SLC24A4: variants seen among roughly 807,000 people sequenced by gnomAD.
The protein encoded by SLC24A4 is solute carrier family 24 member 4, also known as sodium/potassium/calcium exchanger 4.
In SLC24A4, 53 loss-of-function variants were observed where a neutral mutation model predicts 79.0. The ratio of observed to expected loss-of-function variants is 0.67; its 90% CI spans 0.54 to 0.84. SLC24A4 has a LOEUF of 0.84. Among genes scored for constraint, SLC24A4 ranks in the 40% least tolerant of loss-of-function variants. SLC24A4 has a pLI of 0.00. For missense variants in SLC24A4, 731 were observed against 822.0 expected, an observed-to-expected ratio of 0.89 and a Z score of 1.35; for synonymous variants, 323 against 323.8, an observed-to-expected ratio of 1.00 and a Z score of 0.03.
At chr14:92,429,207 G>C (rs931204050) in intron 2 of SLC24A4, among the ~76,000 whole-genome samples, 1 of 152,078 alleles carries the variant, frequency 6.6e-6, no homozygotes, top group African/African-American at 2.4e-5. Context: ...ACAACCAGGA[G>C]TAGGGGTGCA....
chr14:92,347,694 C>T (rs567585291), intron 2 of SLC24A4, among the ~76,000 whole-genome samples: 5 of 152,154 alleles, frequency 3.3e-5, no homozygotes, highest in South Asian at 2.1e-4. Flanking sequence ...TTTGGGAGGG[C>T]GAGGTGGGTG....
Position 92,404,945 on chromosome 14 carries a change from A to C in SLC24A4, c.242-28967A>C, listed in dbSNP as rs114018294. Among the ~76,000 whole-genome samples the C allele has an allele frequency of 9.4e-3, 1,438 of 152,358 alleles. 17 individuals carry two copies. The highest frequency in any genetic ancestry group is 0.032 in the African/African-American group (1,342 of 41,578). On this transcript the variant is annotated intron_variant, in intron 2 of 16. Coordinates refer to ENST00000532405, the MANE Select transcript of SLC24A4 (RefSeq NM_153646.4). The stretch of plus-strand genomic sequence containing the variant: ...TAGGTGAAAATAAAAAGAAAAGAAA[A>C]GAATAAGTCTTATACATTTAAATGA...
chr14:92,385,287 A>G (rs1331433095), intron 2 of SLC24A4, among the ~76,000 whole-genome samples: 1 of 152,136 alleles, frequency 6.6e-6, no homozygotes, highest in Non-Finnish European at 1.5e-5. Flanking sequence ...TGGGCGGATC[A>G]CGAGGCCAGG....
At chr14:92,410,605 G>A (rs973849136) in intron 2 of SLC24A4, among the ~76,000 whole-genome samples, 1 of 152,166 alleles carries the variant, frequency 6.6e-6, no homozygotes, top group African/African-American at 2.4e-5. Flanking sequence ...CTCACTGTGT[G>A]CCAGGCCCTC....
At chr14:92,402,736 C>T (rs1409166096) in intron 2 of SLC24A4, among the ~76,000 whole-genome samples, 3 of 152,060 alleles carry the variant, frequency 2.0e-5, no homozygotes, top group African/African-American at 7.2e-5. Flanking sequence ...GAAACTCCAC[C>T]TTATAAAGCC....
intron 1 of SLC24A4, 79 bp downstream of exon 1, chr14:92,324,039 T>C: frequency 6.5e-7 from 1 of 1,528,314 alleles, no homozygotes; most frequent in Non-Finnish European, 8.8e-7. Context: ...TGCGAGATGT[T>C]TTCCCCTCCT....
Position 92,498,091 on chromosome 14 carries a change from T to C in SLC24A4, c.*4463T>C, listed in dbSNP as rs1895993557. On this transcript the variant is annotated 3_prime_UTR_variant, in exon 17 of 17. Coordinates refer to ENST00000532405, the MANE Select transcript of SLC24A4 (RefSeq NM_153646.4). ...AGAAACTTCTAGAAATTTCTGAAAA[T>C]GCTCTGTGGGCAGCTCTTGGGTGGC... 6.6e-6 allele frequency: 1 copy of C among 152,222 alleles called. No individual in the cohort carries two copies. The highest frequency in any genetic ancestry group is 1.5e-5 in the Non-Finnish European group (1 of 68,080). 9.4% of individuals were successfully genotyped at this position (152,222 alleles called of 1,614,324 possible).
intron 3 of SLC24A4, among the ~76,000 whole-genome samples, chr14:92,436,999 C>A (rs753771318): frequency 6.6e-6 from 1 of 152,190 alleles, no homozygotes; most frequent in African/African-American, 2.4e-5. Context: ...GCTAATGTAT[C>A]TTCTACTTTA....
chr14:92,403,202 CAGTA>C (rs1194610608), intron 2 of SLC24A4, among the ~76,000 whole-genome samples: 5 of 152,096 alleles, frequency 3.3e-5, no homozygotes, highest in African/African-American at 1.2e-4. Flanking sequence ...CTCTTCTCAG[CAGTA>C]AGTGAGGAAG....
intron 2 of SLC24A4, among the ~76,000 whole-genome samples, chr14:92,370,991 C>T (rs1300945814): frequency 6.6e-6 from 1 of 152,180 alleles, no homozygotes; most frequent in Non-Finnish European, 1.5e-5. Context: ...CCAGCTGAAC[C>T]TCCAATCAAG....
At chr14:92,410,855 G>A (rs1368379028) in intron 2 of SLC24A4, among the ~76,000 whole-genome samples, 1 of 152,184 alleles carries the variant, frequency 6.6e-6, no homozygotes, top group African/African-American at 2.4e-5. Context: ...GTGGTGAATT[G>A]CACATAGATA....
intron 2 of SLC24A4, among the ~76,000 whole-genome samples, chr14:92,423,729 C>T (rs1043094996): frequency 3.9e-5 from 6 of 152,164 alleles, no homozygotes; most frequent in African/African-American, 1.4e-4. Context: ...GCAAGGGAGC[C>T]GGGAGGCTTC....
At chr14:92,394,525 T>A (rs1004031429) in intron 2 of SLC24A4, among the ~76,000 whole-genome samples, 1 of 152,210 alleles carries the variant, frequency 6.6e-6, no homozygotes, top group East Asian at 1.9e-4. Flanking sequence ...CAATGAGCTA[T>A]GGTTATAGCC....
At position 92,343,642 on chromosome 14, in the gene SLC24A4, C is replaced by CCTTCCT. The variant is rs1886324683; in HGVS notation, c.241+17664_241+17665insCTTCCT. 6.6e-3 allele frequency among the ~76,000 whole-genome samples: 300 copies of CCTTCCT among 45,688 alleles called. 1 individual carries two copies. Among genetic ancestry groups the CCTTCCT allele is most frequent in the Middle Eastern group, 0.011 (1 of 94 alleles). The allele number at this position is 45,688 out of a possible 152,430, so 30.0% of individuals were successfully genotyped here. A position where few individuals can be genotyped will look rare whatever the true frequency, so the allele number is the denominator to read the frequency against. On this transcript the variant is annotated intron_variant, in intron 2 of 16. Transcript: ENST00000532405. ...TTTCTTTCTTTCTTTCTTTCTTTCT[C>CCTTCCT]TCTTTCCTTCTTTCCTTCCTTCCTT...
intron 2 of SLC24A4, among the ~76,000 whole-genome samples, chr14:92,399,039 AT>A (rs1470578566): frequency 6.6e-6 from 1 of 152,186 alleles, no homozygotes; most frequent in Non-Finnish European, 1.5e-5. Flanking sequence ...TAACAGCTTA[AT>A]CCTATTAAGT....
intron 2 of SLC24A4, among the ~76,000 whole-genome samples, chr14:92,419,011 G>A (rs1891138522): frequency 6.6e-6 from 1 of 152,012 alleles, no homozygotes; most frequent in Non-Finnish European, 1.5e-5. Flanking sequence ...CAATTTTTGT[G>A]TTCTTTAGGC....
chr14:92,323,975 G>C lies in SLC24A4; in HGVS notation c.130+15G>C, dbSNP rs1435510755. 1 of 1,607,248 alleles carries C rather than the reference G, an allele frequency of 6.2e-7. No individual in the cohort carries two copies. Among genetic ancestry groups the C allele is most frequent in the African/African-American group, 1.3e-5 (1 of 74,766 alleles). On this transcript the variant is annotated intron_variant, in intron 1 of 16. Coordinates refer to ENST00000532405, the MANE Select transcript of SLC24A4 (RefSeq NM_153646.4). This position sits in a 1 kb window ranked among gnomAD's most constrained non-coding sequence, Gnocchi z 4.9. The stretch of plus-strand genomic sequence containing the variant: ...CGGCAGCTTGGGTGGGTGCTGGTAC[G>C]GGTCCCCTCTTCCTGGGGAGTTGGG...
intron 13 of SLC24A4, chr14:92,483,675 C>G (rs1053123801): frequency 8.1e-7 from 1 of 1,240,868 alleles, no homozygotes; most frequent in South Asian, 1.2e-5. Context: ...GCCTCCTTCC[C>G]CACTCTCTGT....
intron 2 of SLC24A4, among the ~76,000 whole-genome samples, chr14:92,351,961 G>A (rs1886918911): frequency 7.3e-6 from 1 of 137,038 alleles, no homozygotes; most frequent in African/African-American, 2.8e-5. Flanking sequence ...AGGAGAAAGA[G>A]TAAGAGAGAA....
Sources: gnomAD v4.1 joint callset for allele counts (sites outside exome capture counted in the v4.1 genomes callset) on GRCh38, gnomAD v4.1.1 for gene constraint, Gnocchi (gnomAD v3.1) non-coding constraint, MANE v1.5 for transcripts, NCBI Gene and HGNC (gene_info 2026-07-23, HGNC 2026-07-21) for gene names.